AKAP6: variants seen among roughly 807,000 people sequenced by gnomAD.
The protein encoded by AKAP6 is A-kinase anchor protein 6.
AKAP6 carries 58 observed loss-of-function variants against 188.5 expected under a neutral mutation model. The observed-to-expected ratio is 0.31, with a 90% CI of 0.25 to 0.38. The LOEUF is 0.38. Among genes scored for constraint, AKAP6 ranks in the 10% least tolerant of loss-of-function variants. The probability of loss-of-function intolerance (pLI) is 1.00; values close to 1 mark genes in which losing one functional copy is unlikely to be tolerated. For synonymous variants in AKAP6, 989 were observed against 998.6 expected (o/e 0.99, Z 0.18); for missense variants, 2,710 against 2,740.0 (o/e 0.99, Z 0.24).
chr14:32,522,398 G>C (rs1041136111), intron 2 of AKAP6, among the ~76,000 whole-genome samples: 1 of 152,064 alleles, frequency 6.6e-6, no homozygotes, highest in African/African-American at 2.4e-5. Context: ...AGAGTGAACA[G>C]GCAACCTACA....
At chr14:32,591,185 C>G (rs1212686604) in intron 5 of AKAP6, among the ~76,000 whole-genome samples, 1 of 152,136 alleles carries the variant, frequency 6.6e-6, no homozygotes, top group African/African-American at 2.4e-5. Flanking sequence ...AATATTTGGG[C>G]CAGCACTGAC....
intron 2 of AKAP6, among the ~76,000 whole-genome samples, chr14:32,478,299 G>C (rs562758477): frequency 6.6e-6 from 1 of 152,332 alleles, no homozygotes; most frequent in South Asian, 2.1e-4. Context: ...GTGTCAGGAA[G>C]ACATCATGCC....
intron 5 of AKAP6, among the ~76,000 whole-genome samples, chr14:32,582,011 T>C (rs1323756687): frequency 1.3e-5 from 2 of 152,048 alleles, no homozygotes; most frequent in African/African-American, 2.4e-5. Context: ...GTTAATATTG[T>C]TATGTGTGAA....
intron 7 of AKAP6, among the ~76,000 whole-genome samples, chr14:32,666,660 G>A (rs1255006212): frequency 6.6e-6 from 1 of 151,796 alleles, no homozygotes; most frequent in Non-Finnish European, 1.5e-5. Context: ...TAATTTATAA[G>A]GAACCATCAA....
At chr14:32,803,333 A>G (rs1046184440) in intron 12 of AKAP6, among the ~76,000 whole-genome samples, 1 of 152,116 alleles carries the variant, frequency 6.6e-6, no homozygotes, top group Non-Finnish European at 1.5e-5. Flanking sequence ...AAAAGCAGAT[A>G]TGCATATAAT....
Position 32,780,077 on chromosome 14 carries a change from A to G in AKAP6, c.3588+6184A>G, listed in dbSNP as rs1454893507. On this transcript the variant is annotated intron_variant, in intron 12 of 13. Coordinates refer to ENST00000280979, the MANE Select transcript of AKAP6 (RefSeq NM_004274.5). The stretch of plus-strand genomic sequence containing the variant: ...ATGTCTTTAGTCACATGCTCATTGC[A>G]TCATTATTTATCATAGCCAAGATAT... 2.6e-5 allele frequency among the ~76,000 whole-genome samples: 4 copies of G among 151,414 alleles called. No homozygotes were observed. The South Asian group carries it at 6.3e-4, about 24-fold the overall frequency.
At chr14:32,438,883 G>C (rs1163286922) in intron 2 of AKAP6, 1 of 152,196 alleles carries the variant, frequency 6.6e-6, no homozygotes, top group Non-Finnish European at 1.5e-5. Flanking sequence ...CTGATTAACA[G>C]TCTTCTCAGG....
intron 11 of AKAP6, among the ~76,000 whole-genome samples, chr14:32,752,878 G>C (rs928349331): frequency 2.6e-5 from 4 of 151,996 alleles, no homozygotes; most frequent in Admixed American, 6.6e-5. Flanking sequence ...TTTTAAGACT[G>C]AATAGCATTT....
intron 5 of AKAP6, among the ~76,000 whole-genome samples, chr14:32,583,978 A>C (rs1367069708): frequency 6.6e-6 from 1 of 152,198 alleles, no homozygotes; most frequent in Non-Finnish European, 1.5e-5. Context: ...GGTGCGCTGC[A>C]CCCACTGTCC....
intron 11 of AKAP6, among the ~76,000 whole-genome samples, chr14:32,742,788 A>G (rs1566680465): frequency 6.6e-6 from 1 of 152,138 alleles, no homozygotes; most frequent in South Asian, 2.1e-4. Context: ...GTGATCTAAC[A>G]TATGGTCTAT....
At chr14:32,591,613 G>A (rs1885488058) in intron 5 of AKAP6, among the ~76,000 whole-genome samples, 1 of 151,286 alleles carries the variant, frequency 6.6e-6, no homozygotes, top group Non-Finnish European at 1.5e-5. Context: ...CAGGAAGAAG[G>A]AGGATTTTTT....
chr14:32,392,521 A>G (rs1888745980), intron 1 of AKAP6, among the ~76,000 whole-genome samples: 1 of 152,158 alleles, frequency 6.6e-6, no homozygotes. Context: ...TCCTAGAAAC[A>G]GTGAAAGCCC....
chr14:32,652,328 G>A (rs1397638164), intron 7 of AKAP6, among the ~76,000 whole-genome samples: 6 of 151,680 alleles, frequency 4.0e-5, no homozygotes, highest in African/African-American at 1.2e-4. Context: ...CATCTTCCTC[G>A]ACTAGGCCTC....
chr14:32,817,124 CTT>C (rs917057997), intron 12 of AKAP6, among the ~76,000 whole-genome samples: 1 of 152,064 alleles, frequency 6.6e-6, no homozygotes, highest in Admixed American at 6.6e-5. Context: ...TATCTTTACT[CTT>C]TAGGTAATAA....
At chr14:32,736,622 T>A (rs1322118935) in intron 11 of AKAP6, among the ~76,000 whole-genome samples, 1 of 152,142 alleles carries the variant, frequency 6.6e-6, no homozygotes, top group South Asian at 2.1e-4. Flanking sequence ...GGTTGCAGAA[T>A]TTGAATTTGG....
At chr14:32,425,029 AT>A (rs774559784) in intron 1 of AKAP6, among the ~76,000 whole-genome samples, 14 of 152,164 alleles carry the variant, frequency 9.2e-5, no homozygotes, top group Non-Finnish European at 1.9e-4. Flanking sequence ...GCTGGGTCAA[AT>A]AGTATTTCTG....
chr14:32,730,328 G>A (rs3784209), intron 9 of AKAP6, among the ~76,000 whole-genome samples: 7,623 of 152,200 alleles, frequency 0.05, 536 homozygotes, highest in East Asian at 0.37. Context: ...GACAAAGACT[G>A]AGAGCACACA....
Position 32,773,847 on chromosome 14 carries a change from C to T in AKAP6, c.3542C>T (p.Ala1181Val), listed in dbSNP as rs781103760. Residue 1181 changes from alanine to valine, a missense_variant, in exon 12 of 14, where the codon GCC becomes GTC. Physicochemically the swap from Ala to Val is moderately conservative, Grantham distance 64. Transcript: ENST00000280979. ...AGGTGGGAAGCCATTGTCATGCAAG[C>T]CGTCCAGTGGCAAACACGTCTACAA... is the stretch of plus-strand genomic sequence containing the variant. Reference protein sequence around the residue: ...ERRWEAIVMQAVQWQTRLQKK... With the variant: ...ERRWEAIVMQVVQWQTRLQKK... 7 of 1,614,088 alleles carry T rather than the reference C, an allele frequency of 4.3e-6. No individual in the cohort carries two copies. The highest frequency in any genetic ancestry group is 1.7e-5 in the Admixed American group (1 of 59,984).
At chr14:32,642,076 G>A (rs1379061573) in intron 7 of AKAP6, among the ~76,000 whole-genome samples, 1 of 152,138 alleles carries the variant, frequency 6.6e-6, no homozygotes, top group African/African-American at 2.4e-5. Context: ...TATTCCACAA[G>A]ATAAAAGGCT....
Sources: allele counts gnomAD v4.1 joint callset (sites outside exome capture counted in the v4.1 genomes callset), GRCh38; gene constraint gnomAD v4.1.1; transcripts MANE v1.5; gene names NCBI Gene and HGNC (gene_info 2026-07-23, HGNC 2026-07-21).